ING5: variants seen among roughly 807,000 people sequenced by gnomAD.
ING5 encodes inhibitor of growth protein 5.
In ING5, 17 loss-of-function variants were observed where a neutral mutation model predicts 37.4. The ratio of observed to expected loss-of-function variants is 0.45; its 90% CI spans 0.31 to 0.68. The LOEUF (loss-of-function observed/expected upper bound fraction) is 0.68, where lower values mean the gene tolerates loss of function less well. Ranked by LOEUF, ING5 falls within the 30% of genes least tolerant of loss-of-function variation. The probability of loss-of-function intolerance (pLI) is 0.05; values close to 1 mark genes in which losing one functional copy is unlikely to be tolerated. For missense variants in ING5, 233 were observed against 311.9 expected, an observed-to-expected ratio of 0.75 and a Z score of 1.91; for synonymous variants, 123 against 116.6, an observed-to-expected ratio of 1.06 and a Z score of -0.36.
chr2:241,703,275 A>G (rs186284622), intron 1 of ING5, among the ~76,000 whole-genome samples: 3 of 152,322 alleles, frequency 2.0e-5, no homozygotes, highest in Non-Finnish European at 2.9e-5. Flanking sequence ...GGCTGGAAGC[A>G]TCAGATGCAT....
rs919176863 is a variant in ING5, at chr2:241,725,424, C to T, written c.*393C>T. 4 of 169,880 alleles carry T rather than the reference C, an allele frequency of 2.4e-5. No individual in the cohort carries two copies. The highest frequency in any genetic ancestry group is 5.0e-5 in the Non-Finnish European group (4 of 80,232). 10.5% of individuals were successfully genotyped at this position (169,880 alleles called of 1,614,324 possible). ...TTTTCCAGGACTGTCCGGTACAGCC[C>T]GGGCTCCGCGTGCCCCGCCCGCTGG... On this transcript the variant is annotated 3_prime_UTR_variant, in exon 8 of 8. Coordinates refer to ENST00000313552, the MANE Select transcript of ING5 (RefSeq NM_032329.6).
chr2:241,719,733 G>A, intron 5 of ING5: 1 of 1,468,042 alleles, frequency 6.8e-7, no homozygotes, highest in East Asian at 2.5e-5. Context: ...GAGACCTCAG[G>A]AACAGCCAGC....
intron 5 of ING5, chr2:241,722,576 C>T (rs1016685832): frequency 6.3e-5 from 62 of 985,260 alleles, no homozygotes; most frequent in Non-Finnish European, 6.4e-5. Context: ...ACAATCTGTT[C>T]GTATACTTAA....
chr2:241,725,595 G>A lies in ING5; in HGVS notation c.*564G>A, dbSNP rs1472186307. 6.6e-6 allele frequency: 1 copy of A among 152,450 alleles called. No homozygotes were observed. Among genetic ancestry groups the A allele is most frequent in the East Asian group, 1.9e-4 (1 of 5,176 alleles). The allele number at this position is 152,450 out of a possible 1,614,324, so 9.4% of individuals were successfully genotyped here. Reference sequence around the variant, plus strand: ...CGGGAGGGCTGGGGGCTCTTCCCTGGAGGAAGCGGCCTCCGCTTCGCTGGC... The same window carrying A: ...CGGGAGGGCTGGGGGCTCTTCCCTGAAGGAAGCGGCCTCCGCTTCGCTGGC... On this transcript the variant is annotated 3_prime_UTR_variant, in exon 8 of 8. Transcript: ENST00000313552.
At chr2:241,709,661 C>G (rs557611699) in intron 3 of ING5, among the ~76,000 whole-genome samples, 1 of 148,940 alleles carries the variant, frequency 6.7e-6, no homozygotes, top group African/African-American at 2.5e-5. Flanking sequence ...CGGTGGAGTA[C>G]AGTGGTGTGA....
chr2:241,705,394 C>CTTTTTTTTTTTTTTTTTT (rs774566608), intron 2 of ING5, among the ~76,000 whole-genome samples: 3 of 117,272 alleles, frequency 2.6e-5, no homozygotes, highest in East Asian at 3.2e-4. Flanking sequence ...CTGTTTTTTT[C>CTTTTTTTTTTTTTTTTTT]TTTTTTTTTT....
In ING5 at chr2:241,725,451, G is replaced by GCA. The variant is rs201039015; in HGVS notation, c.*422_*423dup. ...GGCTCCGCGTGCCCCGCCCGCTGGAGCACCTGCCACCGAGGCGCGCGTGGG... is the reference window on the plus strand; with the variant it reads ...GGCTCCGCGTGCCCCGCCCGCTGGAGCACACCTGCCACCGAGGCGCGCGTGGG... On this transcript the variant is annotated 3_prime_UTR_variant, in exon 8 of 8. Coordinates refer to ENST00000313552, the MANE Select transcript of ING5 (RefSeq NM_032329.6). 0.036 allele frequency: 5,589 copies of GCA among 156,082 alleles called. 443 individuals carry two copies. Among genetic ancestry groups the GCA allele is most frequent in the East Asian group, 0.29 (1,496 of 5,186 alleles). 9.7% of individuals were successfully genotyped at this position (156,082 alleles called of 1,614,324 possible). A position where few individuals can be genotyped will look rare whatever the true frequency, so the allele number is the denominator to read the frequency against.
chr2:241,708,120 T>C (rs139725247), intron 2 of ING5, among the ~76,000 whole-genome samples: 2,197 of 151,984 alleles, frequency 0.014, 52 homozygotes, highest in African/African-American at 0.051. Flanking sequence ...ATGGTTTCCA[T>C]CTCTTAACCT....
upstream of ING5, among the ~76,000 whole-genome samples, chr2:241,701,120 ATT>A (rs529886209): frequency 4.8e-3 from 651 of 136,450 alleles, 3 homozygotes; most frequent in African/African-American, 0.017. Flanking sequence ...CGCTTGGCTA[ATT>A]TTTTTTTTTT....
At chr2:241,723,698 C>T in intron 7 of ING5, 4 of 1,504,008 alleles carry the variant, frequency 2.7e-6, no homozygotes, top group Non-Finnish European at 3.7e-6. Context: ...GGGGCTCTGC[C>T]CCTGGCTCTG....
At chr2:241,701,196 T>C (rs75779003), upstream of ING5, among the ~76,000 whole-genome samples, 19,278 of 150,188 alleles carry the variant, frequency 0.13, 1,488 homozygotes, top group East Asian at 0.4. Flanking sequence ...ATTCCTGCCC[T>C]CAAGTGATCC....
upstream of ING5, among the ~76,000 whole-genome samples, chr2:241,697,642 A>G (rs2069649983): frequency 6.7e-6 from 1 of 150,008 alleles, no homozygotes; most frequent in Non-Finnish European, 1.5e-5. Context: ...CAAACTGGAA[A>G]CAGTAAAATG....
rs191455684 is a variant in ING5, at chr2:241,691,819, G to C, written c.43+1166G>C. On this transcript the variant is annotated intron_variant, in intron 2 of 7. Coordinates refer to the ING5 transcript ENST00000636051. ...TCACACCTACAATCCCAGCACTTTG[G>C]GAGGCAGGTAGATTGCTTGAGCTCA... 1.2e-3 allele frequency among the ~76,000 whole-genome samples: 182 copies of C among 152,194 alleles called. 1 individual carries two copies. Among genetic ancestry groups the C allele is most frequent in the Admixed American group, 2.7e-3 (41 of 15,282 alleles).
chr2:241,696,622 GA>G (rs1039389293), intron 2 of ING5, among the ~76,000 whole-genome samples: 3 of 151,816 alleles, frequency 2.0e-5, no homozygotes, highest in Non-Finnish European at 2.9e-5. Context: ...CAACTCTACA[GA>G]AAAAAAATTA....
At chr2:241,702,606 G>T (rs1041308427) in intron 1 of ING5, among the ~76,000 whole-genome samples, 63 of 152,232 alleles carry the variant, frequency 4.1e-4, no homozygotes, top group Admixed American at 7.2e-4. Flanking sequence ...TGGGGAGGGC[G>T]TGCGGGCCGC....
chr2:241,691,602 C>T (rs2069556703), intron 2 of ING5, among the ~76,000 whole-genome samples: 1 of 152,148 alleles, frequency 6.6e-6, no homozygotes, highest in Non-Finnish European at 1.5e-5. Context: ...GGAACTGAAG[C>T]AATAGGCATT....
At position 241,693,948 on chromosome 2, in the gene ING5, C is replaced by T. The variant is rs1030032955; in HGVS notation, c.43+3295C>T. On this transcript the variant is annotated intron_variant, in intron 2 of 7. Transcript: ENST00000636051. ...TGCTGGGATTACAGGCATGAGCCAC[C>T]GCGCCTGGCCCTCTCTGGCAGTTTC... 4.0e-4 allele frequency among the ~76,000 whole-genome samples: 60 copies of T among 151,750 alleles called. 1 individual carries two copies. Among genetic ancestry groups the T allele is most frequent in the African/African-American group, 1.3e-3 (54 of 41,414 alleles).
At chr2:241,715,472 A>ATTTTTTTTTTTT (rs34545938) in intron 5 of ING5, among the ~76,000 whole-genome samples, 1 of 70,946 alleles carries the variant, frequency 1.4e-5, no homozygotes, top group Non-Finnish European at 2.5e-5. Context: ...CTGGAATAGA[A>ATTTTTTTTTTTT]TTTTTTTTTT....
intron 1 of ING5, among the ~76,000 whole-genome samples, chr2:241,703,713 C>T (rs190652231): frequency 2.0e-5 from 3 of 152,222 alleles, no homozygotes; most frequent in Admixed American, 2.0e-4. Context: ...TCAAGCAATT[C>T]TCATGCCCTA....
Sources: allele counts gnomAD v4.1 joint callset (sites outside exome capture counted in the v4.1 genomes callset), GRCh38; gene constraint gnomAD v4.1.1; transcripts MANE v1.5; gene names NCBI Gene and HGNC (gene_info 2026-07-23, HGNC 2026-07-21).